The following PTN variants were observed in gnomAD, a reference collection of about 807,000 sequenced individuals.
The protein encoded by PTN is pleiotrophin.
A neutral mutation model predicts 24.1 loss-of-function variants in PTN; 18 were observed. That is an observed-to-expected ratio of 0.75 (90% CI 0.52 to 1.11). PTN has a LOEUF of 1.11. Among genes scored for constraint, PTN ranks in the 50% least tolerant of loss-of-function variants. The pLI is 0.00. For missense variants in PTN, 163 were observed against 198.8 expected, an observed-to-expected ratio of 0.82 and a Z score of 1.08; for synonymous variants, 78 against 68.6, an observed-to-expected ratio of 1.14 and a Z score of -0.67.
chr7:137,277,391 A>T (rs1809378583), intron 1 of PTN, among the ~76,000 whole-genome samples: 1 of 152,230 alleles, frequency 6.6e-6, no homozygotes, highest in Non-Finnish European at 1.5e-5. Context: ...TACACTTATC[A>T]TACAACCCAG....
chr7:137,247,016 A>G (rs1311532665), intron 4 of PTN, among the ~76,000 whole-genome samples: 1 of 152,230 alleles, frequency 6.6e-6, no homozygotes, highest in Admixed American at 6.5e-5. Flanking sequence ...CCCAGTGTCC[A>G]ATTCAAAATT....
intron 4 of PTN, among the ~76,000 whole-genome samples, chr7:137,250,375 T>A (rs1808802807): frequency 6.6e-6 from 1 of 152,230 alleles, no homozygotes; most frequent in African/African-American, 2.4e-5. Context: ...GTCTTCTCTC[T>A]ATGTATTTCT....
rs148600256 is a variant in PTN, at chr7:137,277,451, C to T, written c.-1-22477G>A. ...ACTTAGGTCTGCACTAAGGCATACA[C>T]AAATGTTTATAGCAGCTTGCTTTAT... On this transcript the variant is annotated intron_variant, in intron 1 of 4. Transcript: ENST00000348225. Among the ~76,000 whole-genome samples, 325 of 152,250 alleles carry T rather than the reference C, an allele frequency of 2.1e-3. 2 individuals carry two copies. Among genetic ancestry groups the T allele is most frequent in the African/African-American group, 7.6e-3 (315 of 41,526 alleles).
At chr7:137,328,517 G>A (rs975461467) in intron 1 of PTN, among the ~76,000 whole-genome samples, 1 of 152,116 alleles carries the variant, frequency 6.6e-6, no homozygotes, top group Non-Finnish European at 1.5e-5. Flanking sequence ...GGTCCCTATT[G>A]TATGTTCAGC....
chr7:137,232,683 C>G (rs1250327385), intron 4 of PTN, among the ~76,000 whole-genome samples: 1 of 151,910 alleles, frequency 6.6e-6, no homozygotes, highest in Non-Finnish European at 1.5e-5. Flanking sequence ...AGAAGACAGG[C>G]AGTGATATGG....
intron 4 of PTN, among the ~76,000 whole-genome samples, chr7:137,229,563 A>G (rs1458601450): frequency 1.3e-5 from 2 of 151,880 alleles, no homozygotes; most frequent in South Asian, 2.1e-4. Context: ...TTTCTGTTCA[A>G]TGTAATTGTC....
intron 1 of PTN, chr7:137,287,818 T>C (rs1375221554): frequency 2.0e-5 from 3 of 152,140 alleles, no homozygotes; most frequent in Non-Finnish European, 4.4e-5. Context: ...AAAATGTCTA[T>C]AGTACAGTTC....
At chr7:137,233,290 C>T (rs1421000620) in intron 4 of PTN, among the ~76,000 whole-genome samples, 2 of 151,964 alleles carry the variant, frequency 1.3e-5, no homozygotes, top group East Asian at 1.9e-4. Context: ...CACTTACCAG[C>T]TCTGTGATCT....
intron 1 of PTN, among the ~76,000 whole-genome samples, chr7:137,310,091 T>G (rs1809954452): frequency 6.6e-6 from 1 of 152,194 alleles, no homozygotes; most frequent in Admixed American, 6.5e-5. Flanking sequence ...AGAATGAATG[T>G]CATATTAGCA....
At chr7:137,297,336 A>T (rs1173781165) in intron 1 of PTN, among the ~76,000 whole-genome samples, 1 of 152,122 alleles carries the variant, frequency 6.6e-6, no homozygotes, top group Non-Finnish European at 1.5e-5. Context: ...ACTGTGAGTA[A>T]ACCTGTCTAA....
At chr7:137,323,128 A>G (rs1230448421) in intron 1 of PTN, among the ~76,000 whole-genome samples, 3 of 152,170 alleles carry the variant, frequency 2.0e-5, no homozygotes, top group African/African-American at 7.2e-5. Flanking sequence ...TGGATTACCA[A>G]TTTTTGAAAA....
intron 1 of PTN, among the ~76,000 whole-genome samples, chr7:137,338,714 T>C (rs2128883952): frequency 6.6e-6 from 1 of 152,352 alleles, no homozygotes; most frequent in Middle Eastern, 3.4e-3. Context: ...CCATATAGTA[T>C]GTCAGTCACT....
intron 1 of PTN, among the ~76,000 whole-genome samples, chr7:137,342,822 G>A (rs1810556772): frequency 6.6e-6 from 1 of 152,134 alleles, no homozygotes; most frequent in Non-Finnish European, 1.5e-5. Context: ...CTCCAGGTGT[G>A]TCTTCTAAAC....
At chr7:137,233,698 G>A (rs1313462591) in intron 4 of PTN, among the ~76,000 whole-genome samples, 1 of 151,738 alleles carries the variant, frequency 6.6e-6, no homozygotes, top group Non-Finnish European at 1.5e-5. Flanking sequence ...CTACAATCCA[G>A]AGACATGTGT....
At chr7:137,308,563 C>T (rs770280782) in intron 1 of PTN, among the ~76,000 whole-genome samples, 2 of 152,074 alleles carry the variant, frequency 1.3e-5, no homozygotes, top group African/African-American at 2.4e-5. Flanking sequence ...GGGTTCAGAG[C>T]TTGGTAAGGT....
intron 1 of PTN, among the ~76,000 whole-genome samples, chr7:137,276,036 T>C (rs1170069992): frequency 6.6e-6 from 1 of 152,226 alleles, no homozygotes; most frequent in Non-Finnish European, 1.5e-5. Context: ...CCCACATTAT[T>C]ATGTATTTGG....
chr7:137,280,802 G>A (rs1809460922), intron 1 of PTN, among the ~76,000 whole-genome samples: 1 of 145,888 alleles, frequency 6.9e-6, no homozygotes, highest in Non-Finnish European at 1.5e-5. Context: ...AACCTGGGAG[G>A]CAGAGGCTGC....
intron 1 of PTN, chr7:137,318,870 G>A (rs564936417): frequency 1.5e-3 from 235 of 152,276 alleles, no homozygotes; most frequent in African/African-American, 5.1e-3. Flanking sequence ...ATGTAAAAGC[G>A]GTAAGCATTG....
At chr7:137,285,884 A>C (rs1238692221) in intron 1 of PTN, among the ~76,000 whole-genome samples, 1 of 152,252 alleles carries the variant, frequency 6.6e-6, no homozygotes, top group Non-Finnish European at 1.5e-5. Flanking sequence ...TGACCAGCCA[A>C]ACCCAATGAA....
Sources: allele counts gnomAD v4.1 joint callset (sites outside exome capture counted in the v4.1 genomes callset), GRCh38; gene constraint gnomAD v4.1.1; transcripts MANE v1.5; gene names NCBI Gene and HGNC (gene_info 2026-07-23, HGNC 2026-07-21).